Variants in BPTF observed in about 807,000 individuals in gnomAD.
The protein encoded by BPTF is bromodomain PHD finger transcription factor, also known as nucleosome-remodeling factor subunit BPTF.
Under a neutral mutation model 292.5 loss-of-function variants are expected in BPTF, and 18 were observed. The ratio of observed to expected loss-of-function variants is 0.06; its 90% CI spans 0.04 to 0.09. The LOEUF is 0.09. BPTF is among the 10% of genes least tolerant of loss of function. BPTF has a pLI of 1.00. For missense variants in BPTF, 2,726 were observed against 3,498.7 expected, an observed-to-expected ratio of 0.78 and a Z score of 5.57; for synonymous variants, 1,225 against 1,251.9, an observed-to-expected ratio of 0.98 and a Z score of 0.45.
intron 19 of BPTF, among the ~76,000 whole-genome samples, chr17:67,941,525 G>T (rs2065364702): frequency 6.6e-6 from 1 of 152,196 alleles, no homozygotes; most frequent in South Asian, 2.1e-4. Context: ...AGGAGAGGCA[G>T]ATAGACCAAC....
chr17:67,832,783 CTTTTTTTT>C (rs60751133), intron 1 of BPTF, among the ~76,000 whole-genome samples: 1 of 101,640 alleles, frequency 9.8e-6, no homozygotes, highest in South Asian at 3.2e-4. Context: ...TGATTCGCCT[CTTTTTTTT>C]TTTTTTTTTT....
At chr17:67,832,601 A>G (rs1172543045) in intron 1 of BPTF, among the ~76,000 whole-genome samples, 1 of 151,982 alleles carries the variant, frequency 6.6e-6, no homozygotes, top group Non-Finnish European at 1.5e-5. Flanking sequence ...TAAAGTATAT[A>G]ATTTAGTGGT....
chr17:67,908,101 G>C (rs1484685329), intron 9 of BPTF, among the ~76,000 whole-genome samples: 1 of 152,066 alleles, frequency 6.6e-6, no homozygotes, highest in African/African-American at 2.4e-5. Flanking sequence ...CACTGATATG[G>C]GCTTTCTGGA....
intron 4 of BPTF, among the ~76,000 whole-genome samples, chr17:67,878,843 GAA>G (rs2060205151): frequency 6.6e-6 from 1 of 152,012 alleles, no homozygotes; most frequent in African/African-American, 2.4e-5. Flanking sequence ...ACTAGAAGCA[GAA>G]GTATCTACAC....
intron 3 of BPTF, among the ~76,000 whole-genome samples, chr17:67,868,602 TA>T (rs1260860533): frequency 2.0e-5 from 3 of 152,258 alleles, no homozygotes; most frequent in Admixed American, 6.5e-5. Flanking sequence ...TTAGCTTAGA[TA>T]AAATTATTAG....
intron 5 of BPTF, 102 bp downstream of exon 5, chr17:67,892,136 C>A: frequency 1.1e-6 from 1 of 882,234 alleles, no homozygotes; most frequent in Non-Finnish European, 1.6e-6. Context: ...ATTTGTAGAC[C>A]TATTTTTGAA....
intron 23 of BPTF, among the ~76,000 whole-genome samples, chr17:67,954,514 C>T (rs187448667): frequency 8.3e-4 from 126 of 152,272 alleles, no homozygotes; most frequent in African/African-American, 2.4e-3. Flanking sequence ...GCATGTTAGT[C>T]TCCCTTACCC....
rs148833853 is a variant in BPTF at position 67,898,464 on chromosome 17, TA to T, written c.2543+4301del. On this transcript the variant is annotated intron_variant, in intron 7 of 27. Coordinates refer to ENST00000306378, the MANE Select transcript of BPTF (RefSeq NM_182641.4). ...ATAATTTATTGGGTTTTTTTATTTT[TA>T]ATTTTTTTACATTTTTAATTTTTTC... 4.5e-3 allele frequency among the ~76,000 whole-genome samples: 680 copies of T among 152,254 alleles called. 5 individuals carry two copies. Among genetic ancestry groups the T allele is most frequent in the African/African-American group, 0.015 (637 of 41,554 alleles).
At position 67,854,187 on chromosome 17, in the gene BPTF, T is replaced by C. The variant is rs756862109; in HGVS notation, c.861T>C (p.His287=). 1 of 1,614,160 alleles carries C rather than the reference T, an allele frequency of 6.2e-7. No individual in the cohort carries two copies. The highest frequency in any genetic ancestry group is 8.5e-7 in the Non-Finnish European group (1 of 1,180,004). The part of the protein sequence containing the change: ...QEQCTLMAEM[H]VVLLKAVLRE... The stretch of plus-strand genomic sequence containing the variant: ...AGTGCACACTCATGGCAGAGATGCA[T>C]GTTGTGCTTTTGAAAGCAGTTCTGC... The change falls in exon 2 of 28, where the codon CAT becomes CAC. Residue 287 remains histidine, a synonymous_variant. Transcript: ENST00000306378. The surrounding 1 kb of genome is among the most constrained non-coding windows in gnomAD (Gnocchi z 5.6).
At chr17:67,942,535 A>T (rs1555672431) in intron 19 of BPTF, among the ~76,000 whole-genome samples, 1 of 152,204 alleles carries the variant, frequency 6.6e-6, no homozygotes, top group African/African-American at 2.4e-5. Context: ...TGGGCCTATC[A>T]GTCGGTTCAG....
chr17:67,874,842 CA>C lies in BPTF; in HGVS notation c.1691del (p.Lys564ArgfsTer59). ...AAGAAATTTTGGAATCCATAAGAGC[CA>C]AAAAGGGAGACATTGATAATGTTAA... ...NEEILESIRAKKGDIDNVKSP... is the reference protein window; with the variant it reads ...NEEILESIRAXKGDIDNVKSP... On this transcript the variant is annotated frameshift_variant, in exon 4 of 28. Transcript: ENST00000306378. LOFTEE classifies it high-confidence loss of function. 1 of 1,611,204 alleles carries C rather than the reference CA, an allele frequency of 6.2e-7. No homozygotes were observed. The highest frequency in any genetic ancestry group is 1.1e-5 in the South Asian group (1 of 90,548).
chr17:67,886,022 TA>T, intron 4 of BPTF: 2 of 896,052 alleles, frequency 2.2e-6, no homozygotes, highest in Non-Finnish European at 3.4e-6. Flanking sequence ...GATTTTCTTT[TA>T]AAAATACAGC....
At chr17:67,827,266 T>C (rs2056163186) in intron 1 of BPTF, among the ~76,000 whole-genome samples, 1 of 152,184 alleles carries the variant, frequency 6.6e-6, no homozygotes, top group African/African-American at 2.4e-5. Flanking sequence ...ATCAGATTTA[T>C]TACACAACGA....
chr17:67,892,219 C>G (rs963373419), intron 5 of BPTF, among the ~76,000 whole-genome samples, 185 bp downstream of exon 5: 1 of 152,200 alleles, frequency 6.6e-6, no homozygotes, highest in Non-Finnish European at 1.5e-5. Context: ...AGCATAGTTG[C>G]GTACCCAAAT....
At chr17:67,979,344 C>T (rs1159267164) in intron 27 of BPTF, among the ~76,000 whole-genome samples, 1 of 151,942 alleles carries the variant, frequency 6.6e-6, no homozygotes, top group Non-Finnish European at 1.5e-5. Flanking sequence ...GATCAGGAGT[C>T]GAGACCAGCC....
In BPTF at chr17:67,922,961, A is replaced by G; in HGVS notation, c.5679A>G (p.Glu1893=). The G allele has an allele frequency of 6.2e-7, 1 of 1,613,946 alleles. No homozygotes were observed. The highest frequency in any genetic ancestry group is 8.5e-7 in the Non-Finnish European group (1 of 1,179,974). ...IETWVAEEEL[E]LWEIRAFAER... ...CCTGGGTAGCAGAAGAAGAACTGGA[A>G]TTGTGGGAGATCAGGGCATTTGCTG... The change falls in exon 14 of 28, where the codon GAA becomes GAG. Residue 1893 remains glutamate (E), a synonymous_variant. Transcript: ENST00000306378.
chr17:67,945,532 C>T lies in BPTF; in HGVS notation c.6824C>T (p.Pro2275Leu), dbSNP rs2065741825. Residue 2275 changes from proline to leucine, a missense_variant, in exon 21 of 28, where the codon CCT becomes CTT. By Grantham distance (98) the Pro-to-Leu change is moderately conservative. Around this residue, in one of 22 missense-constraint regions of BPTF, gnomAD observed 570 missense variants for 633.5 expected, o/e 0.90. Coordinates refer to ENST00000306378, the MANE Select transcript of BPTF (RefSeq NM_182641.4). ...GAAGCCCAGCCACAGACTGCTCAGC[C>T]TTCAGCTCAGCCCCAGCCCCAAACC... ...PAEAQPQTAQ[P>L]SAQPQPQTQP... is the part of the protein sequence containing the mutation. 2.5e-6 allele frequency: 4 copies of T among 1,613,684 alleles called. No homozygotes were observed. In the East Asian group the frequency reaches 8.9e-5, roughly 36 times the overall value.
chr17:67,934,528 A>G (rs2064737720), intron 18 of BPTF, among the ~76,000 whole-genome samples: 1 of 151,926 alleles, frequency 6.6e-6, no homozygotes, highest in South Asian at 2.1e-4. Context: ...TCAAAAAAAA[A>G]AAGAAAAGAA....
intron 4 of BPTF, among the ~76,000 whole-genome samples, chr17:67,885,482 C>T (rs1232758254): frequency 6.6e-6 from 1 of 151,912 alleles, no homozygotes; most frequent in African/African-American, 2.4e-5. Flanking sequence ...CCCAGCTACT[C>T]AGGAGGCTGA....
Sources: gnomAD v4.1 joint callset for allele counts (sites outside exome capture counted in the v4.1 genomes callset) on GRCh38, gnomAD v4.1.1 for gene constraint, gnomAD v4.1.1 regional missense constraint, Gnocchi (gnomAD v3.1) non-coding constraint, MANE v1.5 for transcripts, NCBI Gene and HGNC (gene_info 2026-07-23, HGNC 2026-07-21) for gene names.